The following NUP85 variants were observed in gnomAD, a reference collection of about 807,000 sequenced individuals.
NUP85 encodes the protein nuclear pore complex protein Nup85.
NUP85 carries 23 observed loss-of-function variants against 92.8 expected under a neutral mutation model. That is an observed-to-expected ratio of 0.25 (90% CI 0.18 to 0.35). NUP85 has a LOEUF of 0.35. Ranked by LOEUF, NUP85 falls within the 10% of genes least tolerant of loss-of-function variation. The pLI, the probability that NUP85 is intolerant of heterozygous loss-of-function variation, is 1.00. For missense variants in NUP85, 759 were observed against 822.8 expected, an observed-to-expected ratio of 0.92 and a Z score of 0.95; for synonymous variants, 314 against 306.9, an observed-to-expected ratio of 1.02 and a Z score of -0.24.
chr17:75,223,480 C>T (rs1056515955), intron 7 of NUP85, among the ~76,000 whole-genome samples: 6 of 152,018 alleles, frequency 3.9e-5, no homozygotes, highest in East Asian at 1.9e-4. Context: ...CTCTGCCTCC[C>T]GGGTTCAAAT....
At chr17:75,232,565 GA>G (rs1181075067) in intron 14 of NUP85, among the ~76,000 whole-genome samples, 3 of 151,916 alleles carry the variant, frequency 2.0e-5, no homozygotes, top group Non-Finnish European at 4.4e-5. Flanking sequence ...CACGTAGGGA[GA>G]AAAAAAATAG....
intron 1 of NUP85, among the ~76,000 whole-genome samples, chr17:75,206,354 G>C (rs373935428): frequency 6.6e-5 from 10 of 152,062 alleles, no homozygotes; most frequent in South Asian, 4.1e-4. Flanking sequence ...TAGTTGGATT[G>C]CTCTTGTTTT....
chr17:75,235,283 A>G, intron 18 of NUP85, 82 bp downstream of exon 18: 1 of 985,172 alleles, frequency 1.0e-6, no homozygotes, highest in Non-Finnish European at 1.5e-6. Flanking sequence ...TTCCCTCCAG[A>G]AACACTGGCT....
At chr17:75,222,714 T>G (rs969540093) in intron 7 of NUP85, among the ~76,000 whole-genome samples, 8 of 151,996 alleles carry the variant, frequency 5.3e-5, no homozygotes, top group African/African-American at 1.9e-4. Context: ...TGGAGACAAC[T>G]TACTTGACAT....
intron 7 of NUP85, among the ~76,000 whole-genome samples, chr17:75,221,089 T>G (rs1222612324): frequency 3.3e-5 from 5 of 152,128 alleles, no homozygotes; most frequent in Non-Finnish European, 2.9e-5. Context: ...TTCACCATGT[T>G]AGCCAGGATG....
At position 75,235,630 on chromosome 17, in the gene NUP85, G is replaced by A. The variant is rs762010860; in HGVS notation, c.1922G>A (p.Arg641Gln). Reference protein sequence around the residue: ...KVEMLRLSLARNLARAIIREG... With the variant: ...KVEMLRLSLAQNLARAIIREG... ...GAAATGCTGAGACTTTCTCTGGCAC[G>A]AAATCTTGCTCGGGCAATTATAAGA... The change falls in exon 19 of 19, where the codon CGA (arginine) becomes CAA (glutamine). Residue 641 changes from arginine to glutamine, a missense_variant. Coordinates refer to ENST00000245544, the MANE Select transcript of NUP85 (RefSeq NM_024844.5). 20 of 1,614,020 alleles carry A rather than the reference G, an allele frequency of 1.2e-5. No homozygotes were observed. The highest frequency in any genetic ancestry group is 1.0e-4 in the Admixed American group (6 of 59,994).
intron 16 of NUP85, among the ~76,000 whole-genome samples, chr17:75,234,286 A>T (rs2145435735): frequency 6.6e-6 from 1 of 151,458 alleles, no homozygotes; most frequent in South Asian, 2.1e-4. Context: ...TCCTGACCTC[A>T]GGTGATCCAC....
chr17:75,233,179 C>T (rs2076144560), intron 16 of NUP85, 21 bp downstream of exon 16: 2 of 1,607,766 alleles, frequency 1.2e-6, no homozygotes, highest in Admixed American at 1.7e-5. Flanking sequence ...GGGTTTTGTG[C>T]CCTGTGCTTT....
intron 3 of NUP85, 39 bp downstream of exon 3, chr17:75,210,024 A>G (rs755789838): frequency 6.4e-7 from 1 of 1,568,002 alleles, no homozygotes; most frequent in Non-Finnish European, 8.6e-7. Context: ...CCCACACTAC[A>G]CTGTGGAAAG....
Position 75,231,934 on chromosome 17 carries a change from C to G in NUP85, c.1351C>G (p.Leu451Val), listed in dbSNP as rs1248528387. The G allele has an allele frequency of 3.7e-6, 6 of 1,614,194 alleles. No individual in the cohort carries two copies. The highest frequency in any genetic ancestry group is 5.1e-6 in the Non-Finnish European group (6 of 1,180,040). ...RIPLNTEQKALKVLRICEQRQ... is the reference protein window; with the variant it reads ...RIPLNTEQKAVKVLRICEQRQ... The stretch of plus-strand genomic sequence containing the variant: ...ACCTCTGAACACCGAGCAGAAAGCC[C>G]TGAAGGTGCTGCGGATCTGTGAGCA... The change falls in exon 14 of 19, where the codon CTG becomes GTG. Residue 451 changes from leucine (L) to valine (V), a missense_variant. By Grantham distance (32) the Leu-to-Val change is conservative (BLOSUM62 1). Coordinates refer to ENST00000245544, the MANE Select transcript of NUP85 (RefSeq NM_024844.5). This position sits in a 1 kb window ranked among gnomAD's most constrained non-coding sequence, Gnocchi z 4.6.
intron 6 of NUP85, 147 bp from the exon 7 acceptor site, chr17:75,218,038 T>C: frequency 2.0e-6 from 2 of 981,602 alleles, no homozygotes; most frequent in Admixed American, 2.6e-5. Flanking sequence ...GCACAGTCTG[T>C]CATTCAGGAC....
chr17:75,210,953 G>C (rs759232351), intron 3 of NUP85, among the ~76,000 whole-genome samples: 48 of 150,786 alleles, frequency 3.2e-4, no homozygotes, highest in Non-Finnish European at 6.2e-4. Context: ...CACCTGCTTC[G>C]GCCTCCCAAA....
intron 7 of NUP85, among the ~76,000 whole-genome samples, chr17:75,220,976 G>C (rs943383268): frequency 1.5e-4 from 22 of 150,384 alleles, no homozygotes; most frequent in Non-Finnish European, 3.0e-4. Flanking sequence ...CCGCCTCCCG[G>C]GTTCATGCCA....
chr17:75,215,781 A>G lies in NUP85; in HGVS notation c.433A>G (p.Ile145Val), dbSNP rs750721242. ...CTCCATTTTGTCAGCAATGGAGCTC[A>G]TCTGGAACCTGTGTGAGATTCTTTT... ...QVSILSAMELIWNLCEILFIE... is the reference protein window; with the variant it reads ...QVSILSAMELVWNLCEILFIE... Residue 145 changes from isoleucine to valine, a missense_variant, in exon 6 of 19, where the codon ATC becomes GTC. Transcript: ENST00000245544. The G allele has an allele frequency of 6.2e-7, 1 of 1,614,082 alleles. No individual in the cohort carries two copies. Among genetic ancestry groups the G allele is most frequent in the South Asian group, 1.1e-5 (1 of 91,082 alleles).
Position 75,231,373 on chromosome 17 carries a change from C to T in NUP85, c.1128C>T (p.His376=). Residue 376 remains histidine (H), a synonymous_variant, in exon 12 of 19, where the codon CAC becomes CAT. Transcript: ENST00000245544. This position sits in a 1 kb window ranked among gnomAD's most constrained non-coding sequence, Gnocchi z 4.6. ...TGAGCAACTGGTGGTTTGTGGCCCA[C>T]CTGACAGACCTGCTGGACCACTGCA... ...IALSNWWFVA[H]LTDLLDHCKL... 1 of 1,614,180 alleles carries T rather than the reference C, an allele frequency of 6.2e-7. No homozygotes were observed. Among genetic ancestry groups the T allele is most frequent in the South Asian group, 1.1e-5 (1 of 91,086 alleles).
In NUP85 at chr17:75,231,501, G is replaced by A; in HGVS notation, c.1179-72G>A. The A allele has an allele frequency of 6.2e-7, 1 of 1,609,420 alleles. No homozygotes were observed. The highest frequency in any genetic ancestry group is 1.1e-5 in the South Asian group (1 of 90,978). On this transcript the variant is annotated intron_variant, in intron 12 of 18. Coordinates refer to ENST00000245544, the MANE Select transcript of NUP85 (RefSeq NM_024844.5). This position sits in a 1 kb window ranked among gnomAD's most constrained non-coding sequence, Gnocchi z 4.6. The stretch of plus-strand genomic sequence containing the variant: ...GGTGGTGTGAACTGAATGCCTGAAA[G>A]GGAGGTTGGGCTAAGGGGGCCCTGA...
chr17:75,215,906 A>T (rs1487348908), intron 6 of NUP85, 83 bp downstream of exon 6: 18 of 1,192,512 alleles, frequency 1.5e-5, no homozygotes, highest in Non-Finnish European at 1.4e-5. Flanking sequence ...GTGCATGGTG[A>T]TGAGTGTTTT....
intron 10 of NUP85, 85 bp downstream of exon 10, chr17:75,225,914 G>A: frequency 6.3e-7 from 1 of 1,598,360 alleles, no homozygotes; most frequent in Non-Finnish European, 8.5e-7. Context: ...TCCTCCCTGA[G>A]GAACAGGAAG....
Position 75,218,182 on chromosome 17 carries a change from C to T in NUP85, c.476-3C>T. 6.2e-7 allele frequency: 1 copy of T among 1,613,810 alleles called. No individual in the cohort carries two copies. Among genetic ancestry groups the T allele is most frequent in the South Asian group, 1.1e-5 (1 of 91,070 alleles). ...TGTGTGTGATGAGAGTCTCTCCTCCCAGCTGGCCCTCTCCTCCTCCATCTC... is the reference window on the plus strand; with the variant it reads ...TGTGTGTGATGAGAGTCTCTCCTCCTAGCTGGCCCTCTCCTCCTCCATCTC... On this transcript the variant is annotated splice_polypyrimidine_tract_variant and splice_region_variant and intron_variant, in intron 6 of 18. Transcript: ENST00000245544.
Sources: gnomAD v4.1 joint callset for allele counts (sites outside exome capture counted in the v4.1 genomes callset) on GRCh38, gnomAD v4.1.1 for gene constraint, Gnocchi (gnomAD v3.1) non-coding constraint, MANE v1.5 for transcripts, NCBI Gene and HGNC (gene_info 2026-07-23, HGNC 2026-07-21) for gene names.